SUMF1: variants seen among roughly 807,000 people sequenced by gnomAD.
SUMF1 encodes the protein formylglycine-generating enzyme.
SUMF1 carries 48 observed loss-of-function variants against 47.6 expected under a neutral mutation model. The observed-to-expected ratio is 1.01, with a 90% CI of 0.80 to 1.28. The LOEUF (loss-of-function observed/expected upper bound fraction) is 1.28, where lower values mean the gene tolerates loss of function less well. SUMF1 is among the 50% of genes most tolerant of loss of function. The probability of loss-of-function intolerance (pLI) is 0.00; values close to 1 mark genes in which losing one functional copy is unlikely to be tolerated. For synonymous variants in SUMF1, 230 were observed against 192.1 expected, an observed-to-expected ratio of 1.20 and a Z score of -1.63; for missense variants, 571 against 485.4, an observed-to-expected ratio of 1.18 and a Z score of -1.66.
chr3:4,090,632 C>A (rs1429755668), intron 8 of SUMF1, among the ~76,000 whole-genome samples: 1 of 152,112 alleles, frequency 6.6e-6, no homozygotes, highest in Admixed American at 6.5e-5. Context: ...AAGCATCCAG[C>A]AAACCCCCCA....
chr3:4,174,330 TG>T (rs749876336), intron 8 of SUMF1, among the ~76,000 whole-genome samples: 2 of 129,362 alleles, frequency 1.5e-5, no homozygotes, highest in Non-Finnish European at 3.1e-5. Context: ...CACTCCAGCC[TG>T]GGTGACAGAG....
intron 8 of SUMF1, among the ~76,000 whole-genome samples, chr3:4,371,837 A>G (rs1185291564): frequency 6.6e-6 from 1 of 152,232 alleles, no homozygotes; most frequent in Non-Finnish European, 1.5e-5. Flanking sequence ...GCCTAAGGTC[A>G]CATGGTTTAT....
At chr3:4,384,381 C>T (rs566498365) in intron 7 of SUMF1, among the ~76,000 whole-genome samples, 1 of 152,324 alleles carries the variant, frequency 6.6e-6, no homozygotes, top group East Asian at 1.9e-4. Context: ...TACTGTATCT[C>T]AACCAGGATG....
intron 9 of SUMF1, among the ~76,000 whole-genome samples, chr3:4,067,627 T>A (rs1037786121): frequency 1.3e-5 from 2 of 152,216 alleles, no homozygotes; most frequent in Non-Finnish European, 2.9e-5. Flanking sequence ...CTCATCCACC[T>A]GGTTATGGAG....
At chr3:4,341,874 A>G (rs1350165243) in intron 8 of SUMF1, among the ~76,000 whole-genome samples, 6 of 152,352 alleles carry the variant, frequency 3.9e-5, no homozygotes, top group Non-Finnish European at 8.8e-5. Flanking sequence ...CTAAGAAGTC[A>G]TTCATTTGAA....
At chr3:4,255,025 G>T (rs1187097334) in intron 8 of SUMF1, among the ~76,000 whole-genome samples, 1 of 151,204 alleles carries the variant, frequency 6.6e-6, no homozygotes, top group African/African-American at 2.4e-5. Flanking sequence ...AGCTTCATAA[G>T]TGAAGGAGAA....
chr3:4,175,506 G>A (rs574070162), intron 8 of SUMF1, among the ~76,000 whole-genome samples: 56 of 151,942 alleles, frequency 3.7e-4, no homozygotes, highest in African/African-American at 1.3e-3. Flanking sequence ...TCAACAAAAA[G>A]GTCATCTACA....
chr3:4,348,957 A>C lies in SUMF1; in HGVS notation c.1014+27373T>G, dbSNP rs117002336. ...TAGGCATGGGGAAAGACTTCATGAC[A>C]AAAATGTGAAAAGAAATTGCAACAA... On this transcript the variant is annotated intron_variant and NMD_transcript_variant, in intron 8 of 12. Coordinates refer to the SUMF1 transcript ENST00000448413. Among the ~76,000 whole-genome samples the C allele has an allele frequency of 3.2e-3, 484 of 152,316 alleles. 10 individuals are homozygous for C. In the East Asian group the frequency reaches 0.047, roughly 15 times the overall value.
intron 8 of SUMF1, among the ~76,000 whole-genome samples, chr3:4,373,088 T>C (rs1417918178): frequency 3.9e-5 from 6 of 152,072 alleles, no homozygotes; most frequent in Non-Finnish European, 8.8e-5. Context: ...TAAGAAAAGA[T>C]AAAAATGCAT....
chr3:4,194,156 A>G (rs1695380360), intron 8 of SUMF1, among the ~76,000 whole-genome samples: 1 of 152,106 alleles, frequency 6.6e-6, no homozygotes, highest in Non-Finnish European at 1.5e-5. Flanking sequence ...CACTTGAAAT[A>G]TGGGTGTTGC....
chr3:4,411,724 C>T (rs1183671521), intron 6 of SUMF1, among the ~76,000 whole-genome samples: 1 of 126,222 alleles, frequency 7.9e-6, no homozygotes, highest in Non-Finnish European at 1.7e-5. Context: ...AAAAAAAAAA[C>T]TTTAACTGAA....
At chr3:4,339,865 C>T (rs1206168051) in intron 8 of SUMF1, among the ~76,000 whole-genome samples, 1 of 152,024 alleles carries the variant, frequency 6.6e-6, no homozygotes, top group African/African-American at 2.4e-5. Context: ...TTGCTTCAGC[C>T]CAGGAGTTCA....
At position 4,303,500 on chromosome 3, in the gene SUMF1, C is replaced by T. The variant is rs60314351; in HGVS notation, c.1014+72830G>A. ...AAACTTGCCGGTGGGCGCGTGGCCCCCGGGGGCCGCGCCGGCGCCCTTCCA... is the reference window on the plus strand; with the variant it reads ...AAACTTGCCGGTGGGCGCGTGGCCCTCGGGGGCCGCGCCGGCGCCCTTCCA... On this transcript the variant is annotated intron_variant and NMD_transcript_variant, in intron 8 of 12. Coordinates refer to the SUMF1 transcript ENST00000448413. 5.6e-3 allele frequency: 8,231 copies of T among 1,460,186 alleles called. 376 individuals carry two copies. The African/African-American group carries it at 0.1, about 18-fold the overall frequency. 90.5% of individuals were successfully genotyped at this position (1,460,186 alleles called of 1,614,324 possible).
chr3:4,126,957 T>C (rs795301), intron 8 of SUMF1, among the ~76,000 whole-genome samples: 39,004 of 151,994 alleles, frequency 0.26, 5,844 homozygotes, highest in East Asian at 0.4. Flanking sequence ...TTCCACATCG[T>C]GAAGAAGAAC....
chr3:4,253,036 C>A lies in SUMF1; in HGVS notation c.1014+123294G>T, dbSNP rs367697978. Among the ~76,000 whole-genome samples, 33 of 152,192 alleles carry A rather than the reference C, an allele frequency of 2.2e-4. No homozygotes were observed. The East Asian group carries it at 3.7e-3, about 17-fold the overall frequency. ...AATTACACTTTATTATGTGTTTTTC[C>A]ATAAGAGTTTTAAATTTTTTAAAAA... On this transcript the variant is annotated intron_variant and NMD_transcript_variant, in intron 8 of 12. Transcript: ENST00000448413.
intron 8 of SUMF1, among the ~76,000 whole-genome samples, chr3:4,353,223 A>G (rs1030783607): frequency 2.0e-5 from 3 of 152,048 alleles, no homozygotes; most frequent in Non-Finnish European, 4.4e-5. Context: ...ACATAGTGAG[A>G]CCCTCATCTT....
intron 1 of SUMF1, among the ~76,000 whole-genome samples, chr3:4,463,082 A>G (rs2079855482): frequency 6.6e-6 from 1 of 152,260 alleles, no homozygotes; most frequent in East Asian, 1.9e-4. Context: ...AAGGAAACAC[A>G]GGTCATTCAA....
At chr3:4,056,440 T>C (rs530179109) in intron 9 of SUMF1, among the ~76,000 whole-genome samples, 5 of 152,224 alleles carry the variant, frequency 3.3e-5, no homozygotes, top group Non-Finnish European at 7.4e-5. Flanking sequence ...TTGGGAGGTC[T>C]ACACAGGAGG....
rs553864314 is a variant in SUMF1, at chr3:4,073,781, A to C, written c.1015-5036T>G. 7.2e-5 allele frequency among the ~76,000 whole-genome samples: 11 copies of C among 152,310 alleles called. No individual in the cohort carries two copies. The South Asian group carries it at 2.3e-3, about 32-fold the overall frequency. ...TGGTAAAGGGATCAATTCAACAAGA[A>C]GAGCTAACTATCCTAAATATACATG... On this transcript the variant is annotated intron_variant and NMD_transcript_variant, in intron 8 of 12. Transcript: ENST00000448413.
Sources: allele counts gnomAD v4.1 joint callset (sites outside exome capture counted in the v4.1 genomes callset), GRCh38; gene constraint gnomAD v4.1.1; transcripts MANE v1.5; gene names NCBI Gene and HGNC (gene_info 2026-07-23, HGNC 2026-07-21).